Variants in MTHFD2 observed in about 807,000 individuals in gnomAD.
MTHFD2 encodes bifunctional methylenetetrahydrofolate dehydrogenase/cyclohydrolase, mitochondrial.
In MTHFD2, 26 loss-of-function variants were observed where a neutral mutation model predicts 36.8. The observed-to-expected ratio is 0.71, with a 90% CI of 0.52 to 0.98. The LOEUF is 0.98. Ranked by LOEUF, MTHFD2 falls within the 50% of genes least tolerant of loss-of-function variation. MTHFD2 has a pLI of 0.00. For synonymous variants in MTHFD2, 164 were observed against 155.2 expected (o/e 1.06, Z -0.42); for missense variants, 373 against 434.0 (o/e 0.86, Z 1.25).
chr2:74,206,626 T>C (rs1055383674), intron 2 of MTHFD2: 1 of 152,296 alleles, frequency 6.6e-6, no homozygotes. Context: ...TGGTTTTCTC[T>C]GTTCTTTATT....
chr2:74,214,050 A>G, intron 7 of MTHFD2, 29 bp from the exon 8 acceptor site: 1 of 1,604,850 alleles, frequency 6.2e-7, no homozygotes. Context: ...CCATAACTAA[A>G]GCAGCCTGCC....
intron 2 of MTHFD2, among the ~76,000 whole-genome samples, chr2:74,207,371 G>A (rs1356479694): frequency 6.6e-6 from 1 of 151,764 alleles, no homozygotes; most frequent in South Asian, 2.1e-4. Flanking sequence ...CTCGTGATCC[G>A]CTGGCCTTGG....
chr2:74,198,838 T>G, intron 1 of MTHFD2, 96 bp downstream of exon 1: 1 of 1,159,630 alleles, frequency 8.6e-7, no homozygotes. Flanking sequence ...GGGAAGTCCT[T>G]CCCGAACATC....
Position 74,214,145 on chromosome 2 carries a change from T to C in MTHFD2, c.956T>C (p.Met319Thr). ...PGGVGPMTVA[M>T]LMKNTIIAAK... ...GGTGTTGGCCCCATGACAGTGGCAA[T>C]GCTAATGAAGAATACCATTATTGCT... Residue 319 changes from methionine (M) to threonine (T), a missense_variant, in exon 8 of 8, where the codon ATG (methionine) becomes ACG (threonine). Around this residue, in one of 2 missense-constraint regions of MTHFD2, gnomAD observed 308 missense variants for 397.8 expected, o/e 0.77. Coordinates refer to ENST00000394053, the MANE Select transcript of MTHFD2 (RefSeq NM_006636.4). The C allele has an allele frequency of 6.2e-7, 1 of 1,614,096 alleles. No individual in the cohort carries two copies. The highest frequency in any genetic ancestry group is 8.5e-7 in the Non-Finnish European group (1 of 1,179,974).
chr2:74,208,669 T>C lies in MTHFD2; in HGVS notation c.510T>C (p.Tyr170=), dbSNP rs753338593. 1.9e-6 allele frequency: 3 copies of C among 1,614,212 alleles called. No homozygotes were observed. In the Admixed American group the frequency reaches 5.0e-5, roughly 27 times the overall value. The change falls in exon 4 of 8, where the codon TAT becomes TAC. Residue 170 remains tyrosine, a synonymous_variant. Transcript: ENST00000394053. ...INVGRMCLDQ[Y]SMLPATPWGV... Reference sequence around the variant, plus strand: ...TAGGACGAATGTGTTTGGATCAGTATTCCATGTTACCGGCTACTCCATGGG... The same window carrying C: ...TAGGACGAATGTGTTTGGATCAGTACTCCATGTTACCGGCTACTCCATGGG...
chr2:74,213,490 T>C (rs1694357021), intron 7 of MTHFD2, among the ~76,000 whole-genome samples: 1 of 152,024 alleles, frequency 6.6e-6, no homozygotes, highest in Non-Finnish European at 1.5e-5. Context: ...TTGCCCAGGC[T>C]GGTTTCAAAC....
chr2:74,205,704 G>C lies in MTHFD2; in HGVS notation c.102-1G>C. ...TTTTGTGACTCTGTTGCCTTCTGCA[G>C]AAATGAAGCTGTTGTCATTTCTGGA... On this transcript the variant is annotated splice_acceptor_variant, in intron 1 of 7. Transcript: ENST00000394053. LOFTEE classifies it high-confidence loss of function. 1 of 1,613,504 alleles carries C rather than the reference G, an allele frequency of 6.2e-7. No individual in the cohort carries two copies. The highest frequency in any genetic ancestry group is 1.3e-5 in the African/African-American group (1 of 74,940).
rs762110737 is a variant in MTHFD2, at chr2:74,207,685, T to C, written c.287-19T>C. On this transcript the variant is annotated intron_variant, in intron 2 of 7. Coordinates refer to ENST00000394053, the MANE Select transcript of MTHFD2 (RefSeq NM_006636.4). Reference sequence around the variant, plus strand: ...AAATGCCTCAAAAATTTTTTTAACCTCAAAATTTCTTATAATAGGAATCAA... The same window carrying C: ...AAATGCCTCAAAAATTTTTTTAACCCCAAAATTTCTTATAATAGGAATCAA... 89 of 1,589,122 alleles carry C rather than the reference T, an allele frequency of 5.6e-5. 1 individual carries two copies. The Admixed American group carries it at 1.5e-3, about 26-fold the overall frequency.
At chr2:74,211,327 C>A (rs763168620) in intron 6 of MTHFD2, 36 bp downstream of exon 6, 2 of 1,377,042 alleles carry the variant, frequency 1.5e-6, no homozygotes, top group Non-Finnish European at 2.1e-6. Flanking sequence ...AAGGACTTCA[C>A]CTCAGAAGAG....
intron 3 of MTHFD2, 73 bp from the exon 4 acceptor site, chr2:74,208,496 C>A (rs1470763682): frequency 2.3e-5 from 35 of 1,496,508 alleles, no homozygotes; most frequent in Non-Finnish European, 3.1e-5. Context: ...CCTTGCGAAG[C>A]AGATAAGCTG....
chr2:74,207,786 T>A lies in MTHFD2; in HGVS notation c.369T>A (p.Asp123Glu). Residue 123 changes from aspartate (D) to glutamate (E), a missense_variant, in exon 3 of 8, where the codon GAT becomes GAA. Coordinates refer to ENST00000394053, the MANE Select transcript of MTHFD2 (RefSeq NM_006636.4). ...ATTTAATCAATAAACTGAATAATGA[T>A]GATAATGTAGATGGCCTCCTTGTTC... The part of the protein sequence containing the change: ...LLNLINKLNN[D>E]DNVDGLLVQL... 1 of 1,600,818 alleles carries A rather than the reference T, an allele frequency of 6.2e-7. No homozygotes were observed. The highest frequency in any genetic ancestry group is 1.7e-5 in the Admixed American group (1 of 59,854).
chr2:74,211,290 A>T lies in MTHFD2; in HGVS notation c.762A>T (p.Ala254=), dbSNP rs779888837. The change falls in exon 6 of 8, where the codon GCA becomes GCT. Residue 254 remains alanine (A), a splice_region_variant and synonymous_variant. Transcript: ENST00000394053. ...TTGCAGATATTGTAATATCTGCTGC[A>T]GGTAAGAACACAAGGGGGATGGAGG... ...TILADIVISA[A]GIPNLITADM... is the part of the protein sequence containing the mutation. The T allele has an allele frequency of 1.3e-6, 2 of 1,585,368 alleles. No homozygotes were observed. The highest frequency in any genetic ancestry group is 1.7e-6 in the Non-Finnish European group (2 of 1,155,464).
chr2:74,215,428 T>TC lies in MTHFD2; in HGVS notation c.*1186_*1187insC, dbSNP rs960212330. Reference sequence around the variant, plus strand: ...TAGATAATTTTTTTTCTTCTATTTTTTTTTTTTTTTTTGTAGAGATGGGGT... The same window carrying TC: ...TAGATAATTTTTTTTCTTCTATTTTTCTTTTTTTTTTTTGTAGAGATGGGGT... On this transcript the variant is annotated 3_prime_UTR_variant, in exon 8 of 8. Coordinates refer to ENST00000394053, the MANE Select transcript of MTHFD2 (RefSeq NM_006636.4). 1 of 150,384 alleles carries TC rather than the reference T, an allele frequency of 6.6e-6. No individual in the cohort carries two copies. Among genetic ancestry groups the TC allele is most frequent in the African/African-American group, 2.4e-5 (1 of 40,958 alleles). The allele number at this position is 150,384 out of a possible 1,614,324, so 9.3% of individuals were successfully genotyped here.
Position 74,211,832 on chromosome 2 carries a change from C to G in MTHFD2, c.855C>G (p.Ala285=). ...GINRVHDPVT[A]KPKLVGDVDF... is the part of the protein sequence containing the mutation. ...ATAGAGTTCACGATCCTGTAACTGC[C>G]AAACCCAAGTTGGTTGGAGATGTGG... Residue 285 remains alanine, a synonymous_variant, in exon 7 of 8, where the codon GCC becomes GCG. Transcript: ENST00000394053. 1 of 1,610,790 alleles carries G rather than the reference C, an allele frequency of 6.2e-7. No homozygotes were observed. The highest frequency in any genetic ancestry group is 1.1e-5 in the South Asian group (1 of 90,790).
chr2:74,212,948 A>T (rs1354570886), intron 7 of MTHFD2, among the ~76,000 whole-genome samples: 1 of 151,648 alleles, frequency 6.6e-6, no homozygotes, highest in African/African-American at 2.4e-5. Flanking sequence ...TCTGTTGCCC[A>T]GGCTGTAGTG....
intron 5 of MTHFD2, among the ~76,000 whole-genome samples, chr2:74,210,681 C>T (rs1290785421): frequency 2.6e-5 from 4 of 151,854 alleles, no homozygotes; most frequent in South Asian, 2.1e-4. Context: ...TCAAAACAGT[C>T]GAGCTGGGAC....
rs1456282780 is a variant in MTHFD2, at chr2:74,216,319, T to C, written c.*2077T>C. The stretch of plus-strand genomic sequence containing the variant: ...ACTGACTTACTGCATGGAGAAGTAT[T>C]ATGTCAACCTGTTAAAAGCTATGGA... On this transcript the variant is annotated 3_prime_UTR_variant, in exon 8 of 8. Transcript: ENST00000394053. 6.6e-6 allele frequency: 1 copy of C among 152,214 alleles called. No individual in the cohort carries two copies. The highest frequency in any genetic ancestry group is 1.5e-5 in the Non-Finnish European group (1 of 68,036). 9.4% of individuals were successfully genotyped at this position (152,214 alleles called of 1,614,324 possible).
intron 1 of MTHFD2, among the ~76,000 whole-genome samples, chr2:74,199,907 T>A (rs1694004109): frequency 6.6e-6 from 1 of 152,140 alleles, no homozygotes; most frequent in Non-Finnish European, 1.5e-5. Context: ...CCTTACAACA[T>A]CAGCCCCTTC....
Position 74,214,351 on chromosome 2 carries a change from G to A in MTHFD2, c.*109G>A. 1 of 1,292,350 alleles carries A rather than the reference G, an allele frequency of 7.7e-7. No homozygotes were observed. The highest frequency in any genetic ancestry group is 2.3e-5 in the Admixed American group (1 of 42,802). The allele number at this position is 1,292,350 out of a possible 1,614,324, so 80.1% of individuals were successfully genotyped here. ...TTATTCTACTGAAATGGTTTAAAAT[G>A]ATGCCTTGTATTTATTGAAAGCTTA... is the stretch of plus-strand genomic sequence containing the variant. On this transcript the variant is annotated 3_prime_UTR_variant, in exon 8 of 8. Transcript: ENST00000394053.
Sources: allele counts gnomAD v4.1 joint callset (sites outside exome capture counted in the v4.1 genomes callset), GRCh38; gene constraint gnomAD v4.1.1; regional missense constraint gnomAD v4.1.1; transcripts MANE v1.5; gene names NCBI Gene and HGNC (gene_info 2026-07-23, HGNC 2026-07-21).